The following TCF12 variants were observed in gnomAD, a reference collection of about 807,000 sequenced individuals.
TCF12 encodes transcription factor 12, also known as DNA-binding protein HTF4.
Under a neutral mutation model 86.0 loss-of-function variants are expected in TCF12, and 45 were observed. That is an observed-to-expected ratio of 0.52 (90% CI 0.41 to 0.67). TCF12 has a LOEUF of 0.67. Among genes scored for constraint, TCF12 ranks in the 30% least tolerant of loss-of-function variants. TCF12 has a pLI of 0.00. For missense variants in TCF12, 881 were observed against 859.9 expected (o/e 1.02, Z -0.31); for synonymous variants, 330 against 299.6 (o/e 1.10, Z -1.05).
intron 3 of TCF12, among the ~76,000 whole-genome samples, chr15:57,048,482 C>G (rs150023526): frequency 2.6e-5 from 4 of 152,074 alleles, no homozygotes; most frequent in African/African-American, 9.7e-5. Flanking sequence ...AGGATGGTCT[C>G]CATCTCCTGA....
At chr15:57,060,299 A>G (rs529818208) in intron 3 of TCF12, among the ~76,000 whole-genome samples, 2 of 152,334 alleles carry the variant, frequency 1.3e-5, no homozygotes, top group East Asian at 3.9e-4. Context: ...TCCTTACTGG[A>G]AAATACTAAG....
At chr15:56,978,531 C>T (rs1015967) in intron 3 of TCF12, among the ~76,000 whole-genome samples, 30,338 of 152,028 alleles carry the variant, frequency 0.2, 3,287 homozygotes, top group Non-Finnish European at 0.24. Flanking sequence ...AGAATTGTTT[C>T]AAAAAGCAAG....
chr15:57,115,915 A>G (rs1645773449), intron 5 of TCF12, among the ~76,000 whole-genome samples: 1 of 152,232 alleles, frequency 6.6e-6, no homozygotes. Flanking sequence ...TATTTCTTCC[A>G]GGCCTTAACT....
intron 6 of TCF12, among the ~76,000 whole-genome samples, chr15:57,175,619 A>G (rs1401365963): frequency 2.0e-5 from 3 of 152,220 alleles, no homozygotes; most frequent in African/African-American, 7.2e-5. Flanking sequence ...CAAACCTAAT[A>G]GTAGCCTCAG....
intron 5 of TCF12, among the ~76,000 whole-genome samples, chr15:57,165,411 G>T (rs2054813619): frequency 6.6e-6 from 1 of 152,084 alleles, no homozygotes; most frequent in Non-Finnish European, 1.5e-5. Flanking sequence ...AATGCAAACA[G>T]TAATGTATAT....
rs573626745 is a variant in TCF12, at chr15:57,155,636, A to G, written c.326-10766A>G. 2.2e-4 allele frequency among the ~76,000 whole-genome samples: 33 copies of G among 152,244 alleles called. No individual in the cohort carries two copies. In the South Asian group the frequency reaches 6.0e-3, roughly 28 times the overall value. On this transcript the variant is annotated intron_variant, in intron 5 of 20. Coordinates refer to ENST00000333725, the MANE Select transcript of TCF12 (RefSeq NM_207037.2). ...ATAAGAGACCCCCATCTCTACAAAA[A>G]TGTTGTAAAATTAACCTATGTGGGT... is the stretch of plus-strand genomic sequence containing the variant.
chr15:57,257,147 T>A (rs2060383245), intron 16 of TCF12, among the ~76,000 whole-genome samples: 1 of 152,220 alleles, frequency 6.6e-6, no homozygotes, highest in Non-Finnish European at 1.5e-5. Context: ...TACAAAAACA[T>A]AGGTCAAGAT....
chr15:57,037,937 A>G (rs2066619755), intron 3 of TCF12, among the ~76,000 whole-genome samples: 2 of 152,258 alleles, frequency 1.3e-5, no homozygotes, highest in African/African-American at 2.4e-5. Flanking sequence ...AAAGTGAAAT[A>G]AGCTATCTTA....
intron 6 of TCF12, among the ~76,000 whole-genome samples, chr15:57,187,048 G>A (rs143159583): frequency 8.0e-4 from 121 of 152,040 alleles, no homozygotes; most frequent in Non-Finnish European, 1.5e-3. Context: ...AGGCGTGGTG[G>A]CACACATCTG....
chr15:57,170,668 T>TATATA (rs2055288728), intron 6 of TCF12, among the ~76,000 whole-genome samples: 1 of 15,136 alleles, frequency 6.6e-5, no homozygotes, highest in African/African-American at 3.0e-4. Context: ...AAAATATATA[T>TATATA]ATATATAATA....
chr15:57,083,272 A>G (rs2048426611), intron 4 of TCF12, among the ~76,000 whole-genome samples: 1 of 152,152 alleles, frequency 6.6e-6, no homozygotes, highest in Non-Finnish European at 1.5e-5. Flanking sequence ...ACATTTTAAT[A>G]TGTCTGGACT....
intron 4 of TCF12, among the ~76,000 whole-genome samples, chr15:57,067,113 C>G (rs2068944788): frequency 6.6e-6 from 1 of 152,162 alleles, no homozygotes; most frequent in African/African-American, 2.4e-5. Context: ...TCTGCCCTTG[C>G]TTTTACCAAA....
intron 8 of TCF12, among the ~76,000 whole-genome samples, chr15:57,215,550 C>T (rs566576591): frequency 2.6e-5 from 4 of 152,170 alleles, no homozygotes; most frequent in Non-Finnish European, 5.9e-5. Context: ...TGAAACTTTT[C>T]GTGAGGAATA....
intron 3 of TCF12, among the ~76,000 whole-genome samples, chr15:56,953,145 T>C (rs2061357100): frequency 6.6e-6 from 1 of 152,092 alleles, no homozygotes; most frequent in Non-Finnish European, 1.5e-5. Flanking sequence ...TATGGCTTAT[T>C]ACAGTGGTTA....
At chr15:57,143,686 G>A (rs1287060674) in intron 5 of TCF12, among the ~76,000 whole-genome samples, 11 of 152,118 alleles carry the variant, frequency 7.2e-5, no homozygotes, top group African/African-American at 2.7e-4. Context: ...CATGTGCATT[G>A]CCTATACACA....
In TCF12 at chr15:57,197,800, A is replaced by G. The variant is rs745803628; in HGVS notation, c.554A>G (p.Lys185Arg). The G allele has an allele frequency of 2.5e-6, 4 of 1,613,950 alleles. No individual in the cohort carries two copies. The highest frequency in any genetic ancestry group is 1.3e-5 in the African/African-American group (1 of 74,938). ...LDPLQAKKVR[K>R]VPPGLPSSVY... ...CCCTTGCAAGCAAAAAAAGTCAGAA[A>G]GGTGCCTCCTGGTTTGCCTTCTTCT... Residue 185 changes from lysine (K) to arginine (R), a missense_variant, in exon 8 of 21, where the codon AAG (lysine) becomes AGG (arginine). This residue lies in a region of TCF12 where 766 missense variants were observed against 718.9 expected (regional missense o/e 1.07). Coordinates refer to ENST00000333725, the MANE Select transcript of TCF12 (RefSeq NM_207037.2).
chr15:57,217,750 G>C (rs1315347536), intron 8 of TCF12, among the ~76,000 whole-genome samples: 1 of 150,778 alleles, frequency 6.6e-6, no homozygotes, highest in African/African-American at 2.4e-5. Flanking sequence ...TTTTTGTTTT[G>C]AGAGTAGCCG....
At chr15:57,023,769 T>C (rs1377027213) in intron 3 of TCF12, among the ~76,000 whole-genome samples, 1 of 152,238 alleles carries the variant, frequency 6.6e-6, no homozygotes, top group Non-Finnish European at 1.5e-5. Flanking sequence ...GTTTTTGTTA[T>C]AGTTTAAAGG....
Position 57,192,244 on chromosome 15 carries a change from C to G in TCF12, c.477C>G (p.Phe159Leu). ...SGKPGTAYYSFSATSSRRRPL... is the reference protein window; with the variant it reads ...SGKPGTAYYSLSATSSRRRPL... The stretch of plus-strand genomic sequence containing the variant: ...AACCTGGGACAGCATACTATTCATT[C>G]TCTGCTACAAGTTCCAGGAGGAGAC... The change falls in exon 7 of 21, where the codon TTC becomes TTG. Residue 159 changes from phenylalanine (F) to leucine (L), a missense_variant. By Grantham distance (22) the Phe-to-Leu change is conservative. Around this residue, in one of 3 missense-constraint regions of TCF12, gnomAD observed 766 missense variants for 718.9 expected, o/e 1.07. Coordinates refer to ENST00000333725, the MANE Select transcript of TCF12 (RefSeq NM_207037.2). 2 of 1,614,184 alleles carry G rather than the reference C, an allele frequency of 1.2e-6. No individual in the cohort carries two copies. The highest frequency in any genetic ancestry group is 2.2e-5 in the East Asian group (1 of 44,884).
Sources: allele counts gnomAD v4.1 joint callset (sites outside exome capture counted in the v4.1 genomes callset), GRCh38; gene constraint gnomAD v4.1.1; regional missense constraint gnomAD v4.1.1; transcripts MANE v1.5; gene names NCBI Gene and HGNC (gene_info 2026-07-23, HGNC 2026-07-21).